RCAN2: variants seen among roughly 807,000 people sequenced by gnomAD.
RCAN2 encodes calcipressin-2.
A neutral mutation model predicts 23.6 loss-of-function variants in RCAN2; 9 were observed. That is an observed-to-expected ratio of 0.38 (90% CI 0.23 to 0.67). The LOEUF is 0.67. Ranked by LOEUF, RCAN2 falls within the 30% of genes least tolerant of loss-of-function variation. RCAN2 has a pLI of 0.51. For synonymous variants in RCAN2, 109 were observed against 115.7 expected (o/e 0.94, Z 0.37); for missense variants, 273 against 302.3 (o/e 0.90, Z 0.72).
chr6:46,361,266 G>C (rs1765005269), intron 2 of RCAN2, among the ~76,000 whole-genome samples: 1 of 152,120 alleles, frequency 6.6e-6, no homozygotes. Flanking sequence ...AAATCAAAGG[G>C]GGAATGAATG....
intron 1 of RCAN2, among the ~76,000 whole-genome samples, chr6:46,459,978 TAA>T (rs1320916694): frequency 6.6e-6 from 1 of 152,138 alleles, no homozygotes; most frequent in Non-Finnish European, 1.5e-5. Flanking sequence ...TTCTGAAGAT[TAA>T]GAGAACTTCC....
intron 2 of RCAN2, among the ~76,000 whole-genome samples, chr6:46,296,707 A>G (rs542236361): frequency 6.6e-6 from 1 of 152,284 alleles, no homozygotes; most frequent in South Asian, 2.1e-4. Context: ...TTATTTGTAC[A>G]TACATATTTC....
intron 2 of RCAN2, among the ~76,000 whole-genome samples, chr6:46,401,882 C>T (rs192767366): frequency 2.6e-5 from 4 of 152,264 alleles, no homozygotes; most frequent in Admixed American, 2.6e-4. Context: ...CACATCTGAT[C>T]AAGCCCCTGC....
At chr6:46,415,382 G>A (rs1766678883) in intron 2 of RCAN2, among the ~76,000 whole-genome samples, 2 of 152,178 alleles carry the variant, frequency 1.3e-5, no homozygotes, top group Non-Finnish European at 2.9e-5. Flanking sequence ...CACCATAAAT[G>A]AGATAAGGAA....
chr6:46,435,086 C>T (rs955014217), intron 2 of RCAN2, among the ~76,000 whole-genome samples: 11 of 152,176 alleles, frequency 7.2e-5, no homozygotes, highest in African/African-American at 2.4e-4. Flanking sequence ...GAATATAAAT[C>T]TTCTCACTTT....
At chr6:46,325,555 A>G in intron 2 of RCAN2, 1 of 1,591,648 alleles carries the variant, frequency 6.3e-7, no homozygotes, top group Non-Finnish European at 8.5e-7. Flanking sequence ...CCAGATGGAT[A>G]TTGCTGTGGC....
chr6:46,388,497 A>G (rs958114308), intron 2 of RCAN2, among the ~76,000 whole-genome samples: 5 of 152,170 alleles, frequency 3.3e-5, no homozygotes, highest in Admixed American at 1.3e-4. Context: ...ATACATGCAC[A>G]TGTATGTTTA....
intron 2 of RCAN2, among the ~76,000 whole-genome samples, chr6:46,280,175 C>T (rs1767855843): frequency 6.6e-6 from 1 of 152,110 alleles, no homozygotes; most frequent in African/African-American, 2.4e-5. Flanking sequence ...TAGCTCTGAG[C>T]AGTGCCATAA....
intron 2 of RCAN2, among the ~76,000 whole-genome samples, chr6:46,402,307 C>A (rs763052469): frequency 6.6e-6 from 1 of 151,852 alleles, no homozygotes; most frequent in South Asian, 2.1e-4. Flanking sequence ...GTGTGTACAC[C>A]GTTGGGGCTC....
At chr6:46,488,809 C>T (rs1582242055) in intron 1 of RCAN2, among the ~76,000 whole-genome samples, 3 of 152,270 alleles carry the variant, frequency 2.0e-5, no homozygotes, top group South Asian at 2.1e-4. Context: ...CCTGAAATGG[C>T]TCTGTATAGA....
intron 2 of RCAN2, among the ~76,000 whole-genome samples, chr6:46,356,398 T>C (rs1347213479): frequency 1.3e-5 from 2 of 152,190 alleles, no homozygotes; most frequent in Non-Finnish European, 2.9e-5. Context: ...TTAAACCCTC[T>C]GAGCTACCCT....
At chr6:46,397,275 A>G (rs1474365106) in intron 2 of RCAN2, among the ~76,000 whole-genome samples, 1 of 152,040 alleles carries the variant, frequency 6.6e-6, no homozygotes, top group Non-Finnish European at 1.5e-5. Context: ...GGGGGGTACC[A>G]TAGGGGAGTT....
chr6:46,489,158 A>G (rs1419905519), intron 1 of RCAN2, among the ~76,000 whole-genome samples: 1 of 152,106 alleles, frequency 6.6e-6, no homozygotes, highest in Admixed American at 6.5e-5. Context: ...TTCAGTGTGG[A>G]ATACCCAGCC....
intron 2 of RCAN2, among the ~76,000 whole-genome samples, chr6:46,339,986 T>C (rs947561394): frequency 6.6e-6 from 1 of 152,162 alleles, no homozygotes; most frequent in Admixed American, 6.5e-5. Context: ...CACTAGATGG[T>C]ATAAATAATT....
chr6:46,274,828 G>T (rs1767639980), intron 2 of RCAN2, among the ~76,000 whole-genome samples: 1 of 152,184 alleles, frequency 6.6e-6, no homozygotes, highest in Admixed American at 6.5e-5. Context: ...TTTTCCAAGA[G>T]GGGTACAGAG....
intron 2 of RCAN2, among the ~76,000 whole-genome samples, chr6:46,340,013 C>T (rs1764259643): frequency 6.6e-6 from 1 of 152,016 alleles, no homozygotes; most frequent in South Asian, 2.1e-4. Context: ...TCCTTGTATC[C>T]TCAGCCCTTA....
chr6:46,349,322 C>T (rs1764578728), intron 2 of RCAN2, among the ~76,000 whole-genome samples: 3 of 151,990 alleles, frequency 2.0e-5, no homozygotes, highest in African/African-American at 4.8e-5. Flanking sequence ...AGAAAACCAC[C>T]GCATGTTCTC....
intron 2 of RCAN2, among the ~76,000 whole-genome samples, chr6:46,412,684 A>T (rs1766581503): frequency 6.6e-6 from 1 of 152,164 alleles, no homozygotes; most frequent in South Asian, 2.1e-4. Flanking sequence ...AAGAAGGATA[A>T]GAACATAAAA....
intron 2 of RCAN2, among the ~76,000 whole-genome samples, chr6:46,283,458 A>T (rs934873623): frequency 7.9e-5 from 12 of 152,276 alleles, no homozygotes; most frequent in Non-Finnish European, 1.5e-4. Context: ...AAGAAAAAAA[A>T]TCCAACCATA....
Sources: allele counts gnomAD v4.1 joint callset (sites outside exome capture counted in the v4.1 genomes callset), GRCh38; gene constraint gnomAD v4.1.1; transcripts MANE v1.5; gene names NCBI Gene and HGNC (gene_info 2026-07-23, HGNC 2026-07-21).